CNOT8: variants seen among roughly 807,000 people sequenced by gnomAD.
The protein encoded by CNOT8 is CAF1-like protein.
In CNOT8, 18 loss-of-function variants were observed where a neutral mutation model predicts 34.6. The observed-to-expected ratio is 0.52, with a 90% CI of 0.36 to 0.77. The LOEUF is 0.77. Among genes scored for constraint, CNOT8 ranks in the 30% least tolerant of loss-of-function variants. The pLI is 0.00. For missense variants in CNOT8, 189 were observed against 347.9 expected, an observed-to-expected ratio of 0.54 and a Z score of 3.63; for synonymous variants, 101 against 118.8, an observed-to-expected ratio of 0.85 and a Z score of 0.98.
intron 1 of CNOT8, among the ~76,000 whole-genome samples, chr5:154,862,577 G>A (rs1300350723): frequency 2.0e-5 from 3 of 152,200 alleles, no homozygotes; most frequent in African/African-American, 7.2e-5. Context: ...CTCACTTCAT[G>A]CTCTGTTTGC....
chr5:154,865,294 A>C lies in CNOT8; in HGVS notation c.220A>C (p.Ile74Leu). The part of the protein sequence containing the change: ...LLRCNVDLLK[I>L]IQLGLTFTNE... ...GCGGTGCAATGTTGACCTTTTAAAA[A>C]TTATCCAGCTGGGCCTTACATTCAC... Residue 74 changes from isoleucine to leucine, a missense_variant, in exon 3 of 7, where the codon ATT (isoleucine) becomes CTT (leucine). This residue lies in a region of CNOT8 where 160 missense variants were observed against 321.9 expected (regional missense o/e 0.50). Coordinates refer to ENST00000285896, the MANE Select transcript of CNOT8 (RefSeq NM_001301073.2). The C allele has an allele frequency of 2.5e-6, 4 of 1,613,670 alleles. No individual in the cohort carries two copies. The highest frequency in any genetic ancestry group is 3.4e-6 in the Non-Finnish European group (4 of 1,179,926).
chr5:154,859,428 A>G (rs565820842), intron 1 of CNOT8: 1 of 152,160 alleles, frequency 6.6e-6, no homozygotes, highest in African/African-American at 2.4e-5. Context: ...GACCTGGGCC[A>G]TTCGGGTGGT....
Position 154,876,181 on chromosome 5 carries a change from A to G in CNOT8, c.*742A>G, listed in dbSNP as rs180970400. On this transcript the variant is annotated 3_prime_UTR_variant, in exon 7 of 7. Coordinates refer to ENST00000285896, the MANE Select transcript of CNOT8 (RefSeq NM_001301073.2). Reference sequence around the variant, plus strand: ...CATTCAGGTTTGCTGTCACATATGCATCATCTGAAATCATTTGAAATTTTT... The same window carrying G: ...CATTCAGGTTTGCTGTCACATATGCGTCATCTGAAATCATTTGAAATTTTT... The G allele has an allele frequency of 9.8e-5, 15 of 152,350 alleles. No homozygotes were observed. The highest frequency in any genetic ancestry group is 3.6e-4 in the African/African-American group (15 of 41,576). The allele number at this position is 152,350 out of a possible 1,614,324, so 9.4% of individuals were successfully genotyped here. A position where few individuals can be genotyped will look rare whatever the true frequency, so the allele number is the denominator to read the frequency against.
intron 1 of CNOT8, among the ~76,000 whole-genome samples, chr5:154,861,632 A>C (rs902310823): frequency 2.0e-5 from 3 of 152,180 alleles, no homozygotes; most frequent in African/African-American, 7.2e-5. Context: ...AGAGCCCACT[A>C]TTGTGTTGTG....
Position 154,872,563 on chromosome 5 carries a change from A to T in CNOT8, c.641A>T (p.Asp214Val), listed in dbSNP as rs776653229. The change falls in exon 6 of 7, where the codon GAT (aspartate) becomes GTT (valine). Residue 214 changes from aspartate to valine, a missense_variant. Physicochemically the swap from Asp to Val is radical, Grantham distance 152 (BLOSUM62 -3). This residue lies in a region of CNOT8 where 160 missense variants were observed against 321.9 expected (regional missense o/e 0.50). Transcript: ENST00000285896. ...NLKGGLQEVA[D>V]QLDLQRIGRQ... ...CAGGGAGGTCTTCAGGAAGTTGCTGATCAGTTGGATTTGCAGAGGATTGGA... is the reference window on the plus strand; with the variant it reads ...CAGGGAGGTCTTCAGGAAGTTGCTGTTCAGTTGGATTTGCAGAGGATTGGA... The T allele has an allele frequency of 1.5e-5, 24 of 1,612,212 alleles. No homozygotes were observed. The highest frequency in any genetic ancestry group is 2.0e-5 in the Non-Finnish European group (24 of 1,179,122).
intron 3 of CNOT8, among the ~76,000 whole-genome samples, chr5:154,867,020 T>C (rs1391455802): frequency 6.6e-6 from 1 of 152,218 alleles, no homozygotes; most frequent in African/African-American, 2.4e-5. Context: ...TGATTCATCA[T>C]TGGTTTTAAT....
chr5:154,859,192 A>G (rs1761089488), intron 1 of CNOT8: 1 of 152,252 alleles, frequency 6.6e-6, no homozygotes, highest in African/African-American at 2.4e-5. Context: ...AAAACAGAAG[A>G]AGAATGGCGT....
In CNOT8 at chr5:154,871,824, C is replaced by G; in HGVS notation, c.568C>G (p.Pro190Ala). The G allele has an allele frequency of 6.2e-7, 1 of 1,613,558 alleles. No individual in the cohort carries two copies. The highest frequency in any genetic ancestry group is 8.5e-7 in the Non-Finnish European group (1 of 1,179,702). ...CTTTCATATTCTGAACCTTTTCTTC[C>G]CATCCATTTATGATGTGAAATACCT... ...EFFHILNLFFPSIYDVKYLMK... is the reference protein window; with the variant it reads ...EFFHILNLFFASIYDVKYLMK... The change falls in exon 5 of 7, where the codon CCA becomes GCA. Residue 190 changes from proline to alanine, a missense_variant. This residue lies in a region of CNOT8 where 160 missense variants were observed against 321.9 expected (regional missense o/e 0.50). Coordinates refer to ENST00000285896, the MANE Select transcript of CNOT8 (RefSeq NM_001301073.2).
intron 6 of CNOT8, among the ~76,000 whole-genome samples, chr5:154,874,625 C>T (rs140227528): frequency 0.13 from 20,163 of 151,852 alleles, 1,505 homozygotes; most frequent in African/African-American, 0.2. Flanking sequence ...ACCTCTGCCT[C>T]TCGGGTTCAA....
Position 154,872,530 on chromosome 5 carries a change from T to C in CNOT8, c.619-11T>C. On this transcript the variant is annotated splice_polypyrimidine_tract_variant and intron_variant, in intron 5 of 6. Coordinates refer to ENST00000285896, the MANE Select transcript of CNOT8 (RefSeq NM_001301073.2). ...TTTGTAATATTATCTTTGTTCTCCA[T>C]ACATCTCCAGGGAGGTCTTCAGGAA... 3.8e-6 allele frequency: 6 copies of C among 1,581,798 alleles called. No individual in the cohort carries two copies. The highest frequency in any genetic ancestry group is 2.3e-5 in the East Asian group (1 of 44,386).
intron 3 of CNOT8, among the ~76,000 whole-genome samples, chr5:154,870,137 G>A (rs1235788144): frequency 6.6e-6 from 1 of 152,104 alleles, no homozygotes. Context: ...TCCAGTTCTT[G>A]GCCTCAAACA....
intron 2 of CNOT8, 148 bp downstream of exon 2, chr5:154,863,543 C>T (rs1761560440): frequency 3.0e-6 from 2 of 670,034 alleles, no homozygotes; most frequent in Admixed American, 4.2e-5. Flanking sequence ...AGTCCTCCCA[C>T]CTCACCTTTC....
chr5:154,869,724 A>G (rs1314394227), intron 3 of CNOT8, among the ~76,000 whole-genome samples: 2 of 151,330 alleles, frequency 1.3e-5, no homozygotes, highest in African/African-American at 4.9e-5. Context: ...TCCCAGATTC[A>G]AGTGAGTCTG....
Position 154,872,522 on chromosome 5 carries a change from G to C in CNOT8, c.619-19G>C, listed in dbSNP as rs772466625. On this transcript the variant is annotated intron_variant, in intron 5 of 6. Transcript: ENST00000285896. ...ATGTTGGGTTTGTAATATTATCTTT[G>C]TTCTCCATACATCTCCAGGGAGGTC... The C allele has an allele frequency of 1.3e-6, 2 of 1,542,926 alleles. No individual in the cohort carries two copies. The highest frequency in any genetic ancestry group is 2.7e-5 in the African/African-American group (2 of 73,082).
chr5:154,869,908 C>G (rs181371255), intron 3 of CNOT8, among the ~76,000 whole-genome samples: 5 of 152,312 alleles, frequency 3.3e-5, no homozygotes, highest in Admixed American at 2.0e-4. Flanking sequence ...CAGGCATGAG[C>G]CACCACGCCT....
In CNOT8 at chr5:154,866,957, T is replaced by G. The variant is rs140771255; in HGVS notation, c.311+1572T>G. On this transcript the variant is annotated intron_variant, in intron 3 of 6. Transcript: ENST00000285896. ...ATGTTTACTTGGGATTGAAGCCTAG[T>G]TATAATAAGCAAAACAAAAAAAAAA... 1.9e-4 allele frequency among the ~76,000 whole-genome samples: 29 copies of G among 151,236 alleles called. No individual in the cohort carries two copies. In the East Asian group the frequency reaches 5.2e-3, roughly 27 times the overall value.
chr5:154,874,089 G>C (rs1288692203), intron 6 of CNOT8, among the ~76,000 whole-genome samples: 1 of 152,134 alleles, frequency 6.6e-6, no homozygotes, highest in Non-Finnish European at 1.5e-5. Context: ...AAATGACTTT[G>C]CCAAGGTCAA....
rs1272185157 is a variant in CNOT8 at position 154,863,458 on chromosome 5, G to T, written c.117+63G>T. ...TTTAAAGTTGGGGTCTTGCTCTGTT[G>T]CCCAGGCTGGAGTGCGGTGGCTATT... On this transcript the variant is annotated intron_variant, in intron 2 of 6. Transcript: ENST00000285896. 6 of 1,231,314 alleles carry T rather than the reference G, an allele frequency of 4.9e-6. No individual in the cohort carries two copies. The Admixed American group carries it at 5.1e-5, about 10-fold the overall frequency. The allele number at this position is 1,231,314 out of a possible 1,614,324, so 76.3% of individuals were successfully genotyped here.
At chr5:154,874,941 A>C (rs182413256) in intron 6 of CNOT8, among the ~76,000 whole-genome samples, 3 of 148,926 alleles carry the variant, frequency 2.0e-5, no homozygotes, top group South Asian at 2.1e-4. Flanking sequence ...TTTGAGATGG[A>C]GTCTTCGCTA....
Sources: gnomAD v4.1 joint callset for allele counts (sites outside exome capture counted in the v4.1 genomes callset) on GRCh38, gnomAD v4.1.1 for gene constraint, gnomAD v4.1.1 regional missense constraint, MANE v1.5 for transcripts, NCBI Gene and HGNC (gene_info 2026-07-23, HGNC 2026-07-21) for gene names.